Variants in LRBA observed in about 807,000 individuals in gnomAD.
LRBA encodes lipopolysaccharide-responsive and beige-like anchor protein.
LRBA carries 176 observed loss-of-function variants against 330.0 expected under a neutral mutation model. The ratio of observed to expected loss-of-function variants is 0.53; its 90% CI spans 0.47 to 0.60. The LOEUF is 0.60. Ranked by LOEUF, LRBA falls within the 20% of genes least tolerant of loss-of-function variation. The pLI, the probability that LRBA is intolerant of heterozygous loss-of-function variation, is 0.00. For missense variants in LRBA, 3,259 were observed against 3,444.8 expected (o/e 0.95, Z 1.35); for synonymous variants, 1,230 against 1,193.0 (o/e 1.03, Z -0.64).
intron 40 of LRBA, among the ~76,000 whole-genome samples, chr4:150,572,177 A>C (rs1450257923): frequency 1.3e-5 from 2 of 152,140 alleles, no homozygotes; most frequent in African/African-American, 4.8e-5. Flanking sequence ...AATCAGAAGC[A>C]AGTACAATTC....
intron 13 of LRBA, among the ~76,000 whole-genome samples, chr4:150,903,709 C>T (rs991202791): frequency 6.6e-6 from 1 of 152,152 alleles, no homozygotes; most frequent in Non-Finnish European, 1.5e-5. Flanking sequence ...CTTAGTGACA[C>T]AGTGAGACCC....
At chr4:150,972,922 ATC>A (rs1264752872) in intron 2 of LRBA, among the ~76,000 whole-genome samples, 1 of 152,224 alleles carries the variant, frequency 6.6e-6, no homozygotes, top group Non-Finnish European at 1.5e-5. Flanking sequence ...CAGATCAAGT[ATC>A]TTCTTACAGT....
chr4:150,343,831 T>C (rs1050289805), intron 48 of LRBA, among the ~76,000 whole-genome samples: 4 of 152,222 alleles, frequency 2.6e-5, no homozygotes, highest in Non-Finnish European at 5.9e-5. Context: ...ATTATAATTA[T>C]TGAGCAGCAC....
intron 46 of LRBA, among the ~76,000 whole-genome samples, chr4:150,431,653 AT>A (rs893736079): frequency 3.7e-4 from 56 of 151,714 alleles, no homozygotes; most frequent in South Asian, 1.7e-3. Context: ...ATTAAAATTA[AT>A]TTTTTTTTAC....
At position 150,870,559 on chromosome 4, in the gene LRBA, T is replaced by C. The variant is rs754502559; in HGVS notation, c.2415A>G (p.Pro805=). The C allele has an allele frequency of 6.3e-7, 1 of 1,597,946 alleles. No homozygotes were observed. Among genetic ancestry groups the C allele is most frequent in the African/African-American group, 1.3e-5 (1 of 74,754 alleles). The change falls in exon 20 of 57, where the codon CCA becomes CCG. Residue 805 remains proline, a synonymous_variant. Transcript: ENST00000651943. ...GTATCTTCACTGAAGAATCAGGATC[T>C]GGATGCTGTTTATGTATCACCTGAG... The part of the protein sequence containing the change: ...IGTQVIHKQH[P]DPDSSVKIQN...
chr4:150,966,021 AT>A (rs1738839248), intron 2 of LRBA, among the ~76,000 whole-genome samples: 1 of 152,152 alleles, frequency 6.6e-6, no homozygotes, highest in Non-Finnish European at 1.5e-5. Context: ...AAACAATACC[AT>A]CCCACAGGTA....
chr4:150,267,486 A>G (rs913350574), intron 56 of LRBA, among the ~76,000 whole-genome samples: 1 of 152,234 alleles, frequency 6.6e-6, no homozygotes, highest in African/African-American at 2.4e-5. Context: ...ATGAAAAGGA[A>G]ATACAACAAG....
chr4:150,864,722 A>G (rs1267815609), intron 22 of LRBA, among the ~76,000 whole-genome samples: 1 of 147,776 alleles, frequency 6.8e-6, no homozygotes, highest in Non-Finnish European at 1.5e-5. Context: ...TCTTGGCTCA[A>G]TGCAACCTCT....
intron 2 of LRBA, among the ~76,000 whole-genome samples, chr4:150,967,908 C>T (rs1481359282): frequency 2.6e-5 from 4 of 152,062 alleles, no homozygotes; most frequent in Non-Finnish European, 5.9e-5. Flanking sequence ...TCTTTTTGGG[C>T]CACCCTATTA....
chr4:150,602,412 C>A (rs778442254), intron 37 of LRBA, among the ~76,000 whole-genome samples: 9 of 152,118 alleles, frequency 5.9e-5, no homozygotes, highest in Non-Finnish European at 1.3e-4. Context: ...AAGCCACACA[C>A]CCACTTATTT....
chr4:150,971,979 C>T (rs1424123160), intron 2 of LRBA, among the ~76,000 whole-genome samples: 3 of 152,250 alleles, frequency 2.0e-5, no homozygotes, highest in African/African-American at 7.2e-5. Context: ...AATGTACCTC[C>T]ATTCCATAAC....
Position 150,683,035 on chromosome 4 carries a change from G to A in LRBA, c.5921+516C>T, listed in dbSNP as rs569619155. Among the ~76,000 whole-genome samples, 3 of 151,912 alleles carry A rather than the reference G, an allele frequency of 2.0e-5. No homozygotes were observed. In the East Asian group the frequency reaches 5.8e-4, roughly 29 times the overall value. On this transcript the variant is annotated intron_variant, in intron 37 of 56. Coordinates refer to ENST00000651943, the MANE Select transcript of LRBA (RefSeq NM_001364905.1). ...TATATTGAGTAAAACTTTAAAGAAG[G>A]CATTTAACCAAGTTTATCATCACAG...
intron 35 of LRBA, among the ~76,000 whole-genome samples, chr4:150,739,133 AT>A (rs1297964931): frequency 1.3e-5 from 2 of 152,206 alleles, no homozygotes; most frequent in African/African-American, 4.8e-5. Context: ...CAGAAATAAA[AT>A]AAACCTGTTA....
intron 47 of LRBA, among the ~76,000 whole-genome samples, chr4:150,363,864 A>C (rs757898386): frequency 1.3e-5 from 2 of 152,220 alleles, no homozygotes; most frequent in Non-Finnish European, 2.9e-5. Context: ...ACTAGATCTT[A>C]AAGCACTGTT....
At chr4:150,671,703 A>G in intron 37 of LRBA, among the ~76,000 whole-genome samples, 1 of 152,314 alleles carries the variant, frequency 6.6e-6, no homozygotes, top group African/African-American at 2.4e-5. Flanking sequence ...AAGAACCTAT[A>G]AACATAAAAA....
intron 43 of LRBA, among the ~76,000 whole-genome samples, chr4:150,469,106 C>A (rs1316242815): frequency 1.3e-5 from 2 of 151,886 alleles, no homozygotes; most frequent in East Asian, 3.9e-4. Flanking sequence ...ATCGTCTTGT[C>A]CCATCTACTT....
At chr4:150,484,791 T>G (rs2152087784) in intron 42 of LRBA, among the ~76,000 whole-genome samples, 1 of 152,002 alleles carries the variant, frequency 6.6e-6, no homozygotes, top group East Asian at 1.9e-4. Flanking sequence ...TTTAATGCTA[T>G]AATTCTACAT....
intron 31 of LRBA, among the ~76,000 whole-genome samples, chr4:150,816,059 A>T (rs1744545342): frequency 6.6e-6 from 1 of 152,036 alleles, no homozygotes; most frequent in African/African-American, 2.4e-5. Context: ...GTACACATCA[A>T]GGAAAAAAAT....
At chr4:150,822,859 A>G (rs1325559480) in intron 30 of LRBA, among the ~76,000 whole-genome samples, 2 of 152,228 alleles carry the variant, frequency 1.3e-5, no homozygotes, top group Non-Finnish European at 2.9e-5. Flanking sequence ...AGCCTGGCCA[A>G]CATGGTGAAA....
Sources: allele counts gnomAD v4.1 joint callset (sites outside exome capture counted in the v4.1 genomes callset), GRCh38; gene constraint gnomAD v4.1.1; transcripts MANE v1.5; gene names NCBI Gene and HGNC (gene_info 2026-07-23, HGNC 2026-07-21).